The following WDHD1 variants were observed in gnomAD, a reference collection of about 807,000 sequenced individuals.
WDHD1 encodes WD repeat and HMG-box DNA binding protein 1, also known as WD repeat and HMG-box DNA-binding protein 1.
In WDHD1, 111 loss-of-function variants were observed where a neutral mutation model predicts 135.4. The ratio of observed to expected loss-of-function variants is 0.82; its 90% CI spans 0.70 to 0.96. The LOEUF (loss-of-function observed/expected upper bound fraction) is 0.96, where lower values mean the gene tolerates loss of function less well. Ranked by LOEUF, WDHD1 falls within the 40% of genes least tolerant of loss-of-function variation. WDHD1 has a pLI of 0.00. For synonymous variants in WDHD1, 434 were observed against 439.0 expected (o/e 0.99, Z 0.14); for missense variants, 1,351 against 1,336.3 (o/e 1.01, Z -0.17).
chr14:55,011,209 C>A (rs1028160474), intron 3 of WDHD1, among the ~76,000 whole-genome samples: 30 of 152,114 alleles, frequency 2.0e-4, no homozygotes, highest in African/African-American at 6.3e-4. Context: ...GCAGTACATG[C>A]TCACTGAACA....
intron 16 of WDHD1, among the ~76,000 whole-genome samples, chr14:54,975,444 T>C (rs1474868634): frequency 6.6e-6 from 1 of 151,838 alleles, no homozygotes; most frequent in Non-Finnish European, 1.5e-5. Context: ...ACCTCCCAGG[T>C]TGAAGCGATT....
At chr14:54,949,808 T>C (rs759183586) in intron 24 of WDHD1, among the ~76,000 whole-genome samples, 1 of 152,228 alleles carries the variant, frequency 6.6e-6, no homozygotes, top group Non-Finnish European at 1.5e-5. Context: ...GCAGAAACTC[T>C]ATGAGCCAGA....
rs112893906 is a variant in WDHD1, at chr14:54,963,364, T to C, written c.2311-192A>G. 1.1e-3 allele frequency among the ~76,000 whole-genome samples: 163 copies of C among 152,256 alleles called. 1 individual carries two copies. The East Asian group carries it at 0.029, about 27-fold the overall frequency. ...ACAATTAATTACAATTAATGGTGGG[T>C]CAGTTTGGCAGCATTTTTATGTCTC... On this transcript the variant is annotated intron_variant, in intron 18 of 25. Coordinates refer to ENST00000360586, the MANE Select transcript of WDHD1 (RefSeq NM_007086.4).
chr14:54,991,905 G>A (rs1205923023), intron 11 of WDHD1, among the ~76,000 whole-genome samples: 1 of 152,158 alleles, frequency 6.6e-6, no homozygotes, highest in Non-Finnish European at 1.5e-5. Context: ...AATGAATGAA[G>A]TGAGCCTATC....
chr14:55,013,929 G>A (rs1004024940), intron 2 of WDHD1, among the ~76,000 whole-genome samples: 2 of 151,868 alleles, frequency 1.3e-5, no homozygotes, highest in African/African-American at 4.8e-5. Flanking sequence ...AAGTCACCTA[G>A]TTTCATATAC....
Position 54,952,955 on chromosome 14 carries a change from A to G in WDHD1, c.3050+2606T>C, listed in dbSNP as rs566759667. Among the ~76,000 whole-genome samples, 143 of 152,340 alleles carry G rather than the reference A, an allele frequency of 9.4e-4. 1 individual carries two copies. Among genetic ancestry groups the G allele is most frequent in the African/African-American group, 3.3e-3 (136 of 41,564 alleles). Reference sequence around the variant, plus strand: ...AGCTGAAACTGGATCCATTCCTCACATCTTATACAAAAATTAATTCCAGAT... The same window carrying G: ...AGCTGAAACTGGATCCATTCCTCACGTCTTATACAAAAATTAATTCCAGAT... On this transcript the variant is annotated intron_variant, in intron 24 of 25. Transcript: ENST00000360586.
At chr14:54,975,524 T>A (rs1249638049) in intron 16 of WDHD1, among the ~76,000 whole-genome samples, 1 of 152,028 alleles carries the variant, frequency 6.6e-6, no homozygotes, top group Non-Finnish European at 1.5e-5. Context: ...ATTTTTGTAT[T>A]TTTAGTAGAG....
At chr14:55,010,660 T>G (rs1226598823) in intron 3 of WDHD1, among the ~76,000 whole-genome samples, 200 bp from the exon 4 acceptor site, 1 of 152,252 alleles carries the variant, frequency 6.6e-6, no homozygotes, top group Non-Finnish European at 1.5e-5. Flanking sequence ...AAATTAATTC[T>G]ACCTTAAGCA....
At chr14:54,957,345 T>C in intron 22 of WDHD1, 141 bp from the exon 23 acceptor site, 3 of 966,532 alleles carry the variant, frequency 3.1e-6, no homozygotes, top group Non-Finnish European at 4.5e-6. Flanking sequence ...ACAATCCAAA[T>C]TAAGAATGAT....
Position 54,957,180 on chromosome 14 carries a change from CTGGT to C in WDHD1, c.2766_2769del (p.Ala924CysfsTer3). The C allele has an allele frequency of 6.2e-7, 1 of 1,613,924 alleles. No homozygotes were observed. The highest frequency in any genetic ancestry group is 8.5e-7 in the Non-Finnish European group (1 of 1,179,902). ...GAACGTGCTGAATTCATTGACATGG[CTGGT>C]TCTTTGGAACTGGCTGATACCTAAA... is the stretch of plus-strand genomic sequence containing the variant. On this transcript the variant is annotated frameshift_variant, in exon 23 of 26. Coordinates refer to ENST00000360586, the MANE Select transcript of WDHD1 (RefSeq NM_007086.4). LOFTEE classifies it high-confidence loss of function.
chr14:54,984,638 G>T, intron 15 of WDHD1, 85 bp downstream of exon 15: 2 of 1,123,866 alleles, frequency 1.8e-6, no homozygotes, highest in East Asian at 3.0e-5. Flanking sequence ...AATTAATTAG[G>T]AATAAAACAA....
chr14:55,020,681 A>C (rs967241603), intron 2 of WDHD1, among the ~76,000 whole-genome samples: 5 of 152,226 alleles, frequency 3.3e-5, no homozygotes, highest in African/African-American at 1.2e-4. Flanking sequence ...AAAGATGTAA[A>C]GGTGACCCTT....
chr14:54,965,799 T>C (rs555109249), intron 18 of WDHD1, among the ~76,000 whole-genome samples: 1 of 150,788 alleles, frequency 6.6e-6, no homozygotes, highest in Non-Finnish European at 1.5e-5. Context: ...CTACTAAAAA[T>C]ACAAAAATTA....
At chr14:55,016,554 CAGA>C (rs1249759507) in intron 2 of WDHD1, among the ~76,000 whole-genome samples, 2 of 152,190 alleles carry the variant, frequency 1.3e-5, no homozygotes, top group African/African-American at 4.8e-5. Flanking sequence ...TCTACTCCTG[CAGA>C]AGGTGATTTA....
At chr14:55,001,800 T>C (rs2041985501) in intron 8 of WDHD1, among the ~76,000 whole-genome samples, 1 of 152,244 alleles carries the variant, frequency 6.6e-6, no homozygotes, top group Admixed American at 6.5e-5. Flanking sequence ...TCAGAGTCCA[T>C]GATCACAAGT....
chr14:55,026,678 G>C (rs375131662), intron 2 of WDHD1, 33 bp downstream of exon 2: 77 of 1,602,584 alleles, frequency 4.8e-5, no homozygotes, highest in Non-Finnish European at 6.4e-5. Flanking sequence ...TTTAACATTT[G>C]CACCTAAAAC....
intron 14 of WDHD1, 25 bp downstream of exon 14, chr14:54,987,121 T>A (rs769958767): frequency 6.2e-7 from 1 of 1,607,728 alleles, no homozygotes; most frequent in African/African-American, 1.3e-5. Flanking sequence ...TTACTTCAAG[T>A]CATAAAAGAC....
intron 15 of WDHD1, among the ~76,000 whole-genome samples, chr14:54,982,210 C>T (rs2041630264): frequency 6.6e-6 from 1 of 151,932 alleles, no homozygotes; most frequent in Admixed American, 6.6e-5. Flanking sequence ...GGGGTTTCAC[C>T]ATGTTAGCCA....
At chr14:55,009,940 C>T (rs2042138951) in intron 4 of WDHD1, among the ~76,000 whole-genome samples, 1 of 152,060 alleles carries the variant, frequency 6.6e-6, no homozygotes, top group African/African-American at 2.4e-5. Flanking sequence ...CCTGCCTCAG[C>T]TTCCCGAGTA....
Sources: allele counts gnomAD v4.1 joint callset (sites outside exome capture counted in the v4.1 genomes callset), GRCh38; gene constraint gnomAD v4.1.1; transcripts MANE v1.5; gene names NCBI Gene and HGNC (gene_info 2026-07-23, HGNC 2026-07-21).